ADCK1: variants seen among roughly 807,000 people sequenced by gnomAD.
ADCK1 encodes the protein aarF domain containing kinase 1, also known as aarF domain-containing protein kinase 1.
ADCK1 carries 41 observed loss-of-function variants against 52.3 expected under a neutral mutation model. That is an observed-to-expected ratio of 0.78 (90% CI 0.61 to 1.02). The LOEUF (loss-of-function observed/expected upper bound fraction) is 1.02. Ranked by LOEUF, ADCK1 falls within the 50% of genes least tolerant of loss-of-function variation. The probability of loss-of-function intolerance (pLI) is 0.00; values close to 1 mark genes in which losing one functional copy is unlikely to be tolerated. For missense variants in ADCK1, 658 were observed against 679.5 expected, an observed-to-expected ratio of 0.97 and a Z score of 0.35; for synonymous variants, 250 against 274.6, an observed-to-expected ratio of 0.91 and a Z score of 0.89.
chr14:77,814,695 C>CAAAAAAA (rs995163952), intron 1 of ADCK1, among the ~76,000 whole-genome samples: 3 of 35,924 alleles, frequency 8.4e-5, no homozygotes, highest in Non-Finnish European at 1.1e-4. Flanking sequence ...AAGACACTCT[C>CAAAAAAA]AAAAAAAAAA....
chr14:77,916,081 C>T (rs1334554105), intron 7 of ADCK1, among the ~76,000 whole-genome samples: 2 of 152,076 alleles, frequency 1.3e-5, no homozygotes, highest in Admixed American at 1.3e-4. Flanking sequence ...AGGGAAGAAA[C>T]CCTTTCCCCA....
At chr14:77,905,892 G>A (rs1339146201) in intron 6 of ADCK1, among the ~76,000 whole-genome samples, 3 of 152,212 alleles carry the variant, frequency 2.0e-5, no homozygotes, top group Admixed American at 6.5e-5. Context: ...TGCCAAGCAA[G>A]TCTAAATTTT....
At chr14:77,843,734 T>C (rs553029539) in intron 3 of ADCK1, among the ~76,000 whole-genome samples, 2 of 152,370 alleles carry the variant, frequency 1.3e-5, no homozygotes, top group South Asian at 4.1e-4. Context: ...CAACTTTCTT[T>C]GCTTAATTCT....
At chr14:77,862,830 C>T (rs904608248) in intron 4 of ADCK1, among the ~76,000 whole-genome samples, 1 of 152,166 alleles carries the variant, frequency 6.6e-6, no homozygotes, top group Non-Finnish European at 1.5e-5. Context: ...GGGAGGTTCA[C>T]TCATCATGGT....
At chr14:77,862,425 C>T (rs978139871) in intron 4 of ADCK1, among the ~76,000 whole-genome samples, 3 of 152,180 alleles carry the variant, frequency 2.0e-5, no homozygotes, top group Non-Finnish European at 4.4e-5. Flanking sequence ...GTTGTAAAGA[C>T]CTGGCCCTTC....
chr14:77,848,530 A>C (rs2082217370), intron 3 of ADCK1, among the ~76,000 whole-genome samples: 1 of 152,138 alleles, frequency 6.6e-6, no homozygotes, highest in Non-Finnish European at 1.5e-5. Context: ...CAGTGGTGCG[A>C]TCTTGGGTCA....
rs1251748077 is a variant in ADCK1 at position 77,822,438 on chromosome 14, G to A, written c.139G>A (p.Ala47Thr). Residue 47 changes from alanine (A) to threonine (T), a missense_variant, in exon 3 of 11, where the codon GCT becomes ACT. Transcript: ENST00000238561. Reference protein sequence around the residue: ...VRVGRAVATTAVISYDYLTSL... With the variant: ...VRVGRAVATTTVISYDYLTSL... ...TCTCCACTGCCTTGGTTCACAGACG[G>A]CTGTCATCAGTTACGACTACCTCAC... The A allele has an allele frequency of 6.2e-7, 1 of 1,613,574 alleles. No homozygotes were observed. Among genetic ancestry groups the A allele is most frequent in the East Asian group, 2.2e-5 (1 of 44,898 alleles).
chr14:77,816,087 G>A (rs147093271), intron 1 of ADCK1, among the ~76,000 whole-genome samples: 35 of 152,240 alleles, frequency 2.3e-4, no homozygotes, highest in African/African-American at 6.3e-4. Context: ...AATTACAGGC[G>A]TGAGCTACCT....
In ADCK1 at chr14:77,852,907, A is replaced by AT. The variant is rs71303864; in HGVS notation, c.220-6145dup. On this transcript the variant is annotated intron_variant, in intron 3 of 10. Transcript: ENST00000238561. ...TGTATATATATATATATATATATAT[A>AT]TTTTTTTTTTTTTTTTTTTTTTTTA... 2.0e-3 allele frequency among the ~76,000 whole-genome samples: 59 copies of AT among 28,958 alleles called. 4 individuals are homozygous for AT. The highest frequency in any genetic ancestry group is 8.0e-3 in the East Asian group (13 of 1,632). The allele number at this position is 28,958 out of a possible 152,430, so 19.0% of individuals were successfully genotyped here. A position where few individuals can be genotyped will look rare whatever the true frequency, so the allele number is the denominator to read the frequency against.
chr14:77,905,964 C>T (rs888884523), intron 6 of ADCK1, among the ~76,000 whole-genome samples: 19 of 152,130 alleles, frequency 1.2e-4, no homozygotes, highest in Non-Finnish European at 2.6e-4. Flanking sequence ...TGGCAGAAAC[C>T]GCAGTCAAGC....
At chr14:77,842,864 T>TTTTTCTTTTC (rs374756972) in intron 3 of ADCK1, among the ~76,000 whole-genome samples, 1 of 146,872 alleles carries the variant, frequency 6.8e-6, no homozygotes, top group Non-Finnish European at 1.5e-5. Flanking sequence ...GTATTTTTTC[T>TTTTTCTTTTC]TTTTCTTTTC....
intron 7 of ADCK1, among the ~76,000 whole-genome samples, chr14:77,915,655 C>G (rs2083907064): frequency 6.6e-6 from 1 of 152,156 alleles, no homozygotes; most frequent in African/African-American, 2.4e-5. Flanking sequence ...CAAACTATCA[C>G]AAGGACAAAA....
At chr14:77,852,664 T>TAA (rs2082313161) in intron 3 of ADCK1, among the ~76,000 whole-genome samples, 35 of 5,310 alleles carry the variant, frequency 6.6e-3, no homozygotes, top group African/African-American at 0.015. Context: ...TAAATAAATA[T>TAA]ATATATATAT....
intron 1 of ADCK1, among the ~76,000 whole-genome samples, chr14:77,808,501 C>T (rs756923836): frequency 2.6e-5 from 4 of 152,120 alleles, no homozygotes; most frequent in Non-Finnish European, 4.4e-5. Flanking sequence ...ATGCCTCTGG[C>T]CTTAGAAAGT....
At chr14:77,821,891 GAAAAAAA>G (rs35265585) in intron 2 of ADCK1, among the ~76,000 whole-genome samples, 2 of 109,610 alleles carry the variant, frequency 1.8e-5, no homozygotes, top group Admixed American at 1.1e-4. Flanking sequence ...CTCTGTCTCA[GAAAAAAA>G]AAAAAAAAAA....
intron 2 of ADCK1, 50 bp from the exon 3 acceptor site, chr14:77,822,385 A>C (rs776893994): frequency 6.9e-7 from 1 of 1,454,954 alleles, no homozygotes. Flanking sequence ...GCAGAGTAGT[A>C]GTACTTAATG....
chr14:77,897,071 G>T (rs2083426816), intron 5 of ADCK1, among the ~76,000 whole-genome samples: 1 of 152,136 alleles, frequency 6.6e-6, no homozygotes, highest in African/African-American at 2.4e-5. Context: ...CTTTTATCTG[G>T]GGCTCAGTAA....
At chr14:77,930,059 C>G (rs149570368) in intron 9 of ADCK1, among the ~76,000 whole-genome samples, 65 of 152,274 alleles carry the variant, frequency 4.3e-4, no homozygotes, top group African/African-American at 1.5e-3. Flanking sequence ...GACTGCTGCT[C>G]TGAGAGCTGT....
intron 1 of ADCK1, 52 bp from the exon 2 acceptor site, chr14:77,818,916 A>T (rs2081520866): frequency 2.8e-5 from 44 of 1,591,220 alleles, no homozygotes; most frequent in Non-Finnish European, 3.4e-5. Context: ...CAGTTTGACT[A>T]ACTATGAAAC....
Sources: allele counts gnomAD v4.1 joint callset (sites outside exome capture counted in the v4.1 genomes callset), GRCh38; gene constraint gnomAD v4.1.1; transcripts MANE v1.5; gene names NCBI Gene and HGNC (gene_info 2026-07-23, HGNC 2026-07-21).